Variants in SPOPL observed in about 807,000 individuals in gnomAD.
SPOPL encodes the protein speckle type BTB/POZ protein like.
Under a neutral mutation model 53.8 loss-of-function variants are expected in SPOPL, and 23 were observed. The ratio of observed to expected loss-of-function variants is 0.43; its 90% CI spans 0.31 to 0.61. SPOPL has a LOEUF of 0.61. Ranked by LOEUF, SPOPL falls within the 20% of genes least tolerant of loss-of-function variation. The probability of loss-of-function intolerance (pLI) is 0.12; values close to 1 mark genes in which losing one functional copy is unlikely to be tolerated. For missense variants in SPOPL, 442 were observed against 466.9 expected, an observed-to-expected ratio of 0.95 and a Z score of 0.49; for synonymous variants, 164 against 149.7, an observed-to-expected ratio of 1.10 and a Z score of -0.70.
At chr2:138,517,289 C>T (rs1684459223) in intron 1 of SPOPL, among the ~76,000 whole-genome samples, 2 of 152,124 alleles carry the variant, frequency 1.3e-5, no homozygotes, top group Non-Finnish European at 2.9e-5. Flanking sequence ...GGAATCGATG[C>T]ATATCTTTTA....
At chr2:138,533,713 A>G (rs1684863980) in intron 1 of SPOPL, among the ~76,000 whole-genome samples, 1 of 152,006 alleles carries the variant, frequency 6.6e-6, no homozygotes, top group African/African-American at 2.4e-5. Context: ...CTTTTTCATC[A>G]TATATATAAA....
chr2:138,515,585 C>G (rs1684420142), intron 1 of SPOPL, among the ~76,000 whole-genome samples: 1 of 152,018 alleles, frequency 6.6e-6, no homozygotes, highest in African/African-American at 2.4e-5. Context: ...AGTGAAAATC[C>G]AAGAGTGCAA....
intron 1 of SPOPL, among the ~76,000 whole-genome samples, chr2:138,549,541 A>G (rs965833938): frequency 3.9e-5 from 6 of 152,150 alleles, no homozygotes; most frequent in African/African-American, 1.4e-4. Flanking sequence ...AAGAACAGCT[A>G]CCTGGGAGGA....
At chr2:138,502,951 C>T (rs1684138300) in intron 1 of SPOPL, among the ~76,000 whole-genome samples, 1 of 152,200 alleles carries the variant, frequency 6.6e-6, no homozygotes, top group African/African-American at 2.4e-5. Context: ...CTCTGTCATT[C>T]AGTGATTCTT....
intron 1 of SPOPL, among the ~76,000 whole-genome samples, chr2:138,540,994 A>G (rs1257656205): frequency 2.0e-5 from 3 of 152,154 alleles, no homozygotes; most frequent in Non-Finnish European, 4.4e-5. Flanking sequence ...GCATCTATTG[A>G]GATAATCATA....
chr2:138,533,427 T>C (rs1284988373), intron 1 of SPOPL, among the ~76,000 whole-genome samples: 1 of 152,200 alleles, frequency 6.6e-6, no homozygotes, highest in Non-Finnish European at 1.5e-5. Context: ...GTCTGTATCC[T>C]CTACTATGTT....
At chr2:138,512,195 G>T (rs1684338584) in intron 1 of SPOPL, among the ~76,000 whole-genome samples, 1 of 151,990 alleles carries the variant, frequency 6.6e-6, no homozygotes, top group South Asian at 2.1e-4. Context: ...TTAAAATATT[G>T]ATTTGTCTTT....
At chr2:138,563,332 A>T (rs1685592698) in intron 8 of SPOPL, among the ~76,000 whole-genome samples, 1 of 152,090 alleles carries the variant, frequency 6.6e-6, no homozygotes, top group Non-Finnish European at 1.5e-5. Context: ...AATTTTTTTA[A>T]TTAGCCTGGT....
rs1208974808 is a variant in SPOPL at position 138,541,958 on chromosome 2, A to G, written c.-60-8199A>G. Among the ~76,000 whole-genome samples the G allele has an allele frequency of 3.3e-5, 5 of 152,238 alleles. No individual in the cohort carries two copies. The East Asian group carries it at 5.8e-4, about 18-fold the overall frequency. ...TGTGTCTTTGTTCTCGTTGGTTTCAAAGAACATCCTTATTTCTGCCTTCAT... is the reference window on the plus strand; with the variant it reads ...TGTGTCTTTGTTCTCGTTGGTTTCAGAGAACATCCTTATTTCTGCCTTCAT... On this transcript the variant is annotated intron_variant, in intron 1 of 10. Coordinates refer to ENST00000280098, the MANE Select transcript of SPOPL (RefSeq NM_001001664.3).
chr2:138,558,921 T>G (rs762157253), intron 5 of SPOPL, 101 bp from the exon 6 acceptor site: 4 of 941,218 alleles, frequency 4.2e-6, no homozygotes, highest in Non-Finnish European at 5.9e-6. Context: ...TACATTGAAT[T>G]ATCCAAATAA....
At chr2:138,531,498 TA>T (rs1684808488) in intron 1 of SPOPL, among the ~76,000 whole-genome samples, 1 of 152,172 alleles carries the variant, frequency 6.6e-6, no homozygotes, top group African/African-American at 2.4e-5. Flanking sequence ...AATTCTTACT[TA>T]CCTCTTCAAA....
chr2:138,559,010 C>G lies in SPOPL; in HGVS notation c.481-12C>G. 1 of 1,549,008 alleles carries G rather than the reference C, an allele frequency of 6.5e-7. No individual in the cohort carries two copies. Among genetic ancestry groups the G allele is most frequent in the Non-Finnish European group, 8.7e-7 (1 of 1,152,398 alleles). ...TGTGAAAGTGTTTTTCTTGCTGTCC[C>G]TTTTTTATTAGGTGAGTGTGGTCCA... is the stretch of plus-strand genomic sequence containing the variant. On this transcript the variant is annotated splice_polypyrimidine_tract_variant and intron_variant, in intron 5 of 10. Transcript: ENST00000280098.
chr2:138,524,017 T>G (rs1684615460), intron 1 of SPOPL, among the ~76,000 whole-genome samples: 1 of 152,180 alleles, frequency 6.6e-6, no homozygotes, highest in Admixed American at 6.5e-5. Flanking sequence ...CACATTTTCC[T>G]TCCTCACTGC....
chr2:138,524,942 T>C (rs1204355139), intron 1 of SPOPL, among the ~76,000 whole-genome samples: 1 of 152,008 alleles, frequency 6.6e-6, no homozygotes, highest in Admixed American at 6.5e-5. Flanking sequence ...CCTGCCTCCT[T>C]CTGAGCCCTC....
intron 1 of SPOPL, among the ~76,000 whole-genome samples, chr2:138,536,342 C>CACA (rs1558870213): frequency 1.3e-4 from 10 of 76,692 alleles, no homozygotes; most frequent in African/African-American, 5.0e-4. Context: ...TTAGTGCCCC[C>CACA]CCCCCACACA....
chr2:138,520,103 T>G (rs1159314367), intron 1 of SPOPL, among the ~76,000 whole-genome samples: 1 of 152,210 alleles, frequency 6.6e-6, no homozygotes, highest in Admixed American at 6.5e-5. Flanking sequence ...AGTAAAAGAA[T>G]GTTACTATAG....
At chr2:138,527,221 G>GATT (rs1684695866) in intron 1 of SPOPL, among the ~76,000 whole-genome samples, 4 of 151,700 alleles carry the variant, frequency 2.6e-5, no homozygotes, top group African/African-American at 9.7e-5. Flanking sequence ...AATCATTCTT[G>GATT]GCAGTTGATG....
chr2:138,515,671 T>C (rs1016935021), intron 1 of SPOPL, among the ~76,000 whole-genome samples: 1 of 152,230 alleles, frequency 6.6e-6, no homozygotes, highest in Non-Finnish European at 1.5e-5. Flanking sequence ...TTGTAGATTA[T>C]GTTAGAATCA....
intron 2 of SPOPL, 27 bp downstream of exon 2, chr2:138,550,321 T>A (rs1005584503): frequency 6.2e-7 from 1 of 1,611,966 alleles, no homozygotes. Flanking sequence ...ATCCCTCACT[T>A]TATGTCACTT....
Sources: gnomAD v4.1 joint callset for allele counts (sites outside exome capture counted in the v4.1 genomes callset) on GRCh38, gnomAD v4.1.1 for gene constraint, MANE v1.5 for transcripts, NCBI Gene and HGNC (gene_info 2026-07-23, HGNC 2026-07-21) for gene names.